Variants in ACSL3 observed in about 807,000 individuals in gnomAD.
ACSL3 encodes fatty acid CoA ligase Acsl3.
Under a neutral mutation model 84.7 loss-of-function variants are expected in ACSL3, and 34 were observed. The observed-to-expected ratio is 0.40, with a 90% CI of 0.31 to 0.53. The LOEUF (loss-of-function observed/expected upper bound fraction) is 0.53. Ranked by LOEUF, ACSL3 falls within the 20% of genes least tolerant of loss-of-function variation. The pLI, the probability that ACSL3 is intolerant of heterozygous loss-of-function variation, is 0.48. For synonymous variants in ACSL3, 315 were observed against 299.4 expected (o/e 1.05, Z -0.54); for missense variants, 680 against 873.1 (o/e 0.78, Z 2.79).
chr2:222,880,670 TA>T (rs988728262), intron 1 of ACSL3, among the ~76,000 whole-genome samples: 8 of 147,958 alleles, frequency 5.4e-5, no homozygotes, highest in Admixed American at 1.3e-4. Context: ...CTACTAAAAA[TA>T]AAAAAAAAAT....
chr2:222,886,913 A>C (rs1248368700), intron 1 of ACSL3, among the ~76,000 whole-genome samples: 1 of 152,170 alleles, frequency 6.6e-6, no homozygotes, highest in Non-Finnish European at 1.5e-5. Context: ...TGATGAACCT[A>C]CATTGACACA....
intron 13 of ACSL3, among the ~76,000 whole-genome samples, chr2:222,929,737 C>G (rs13413567): frequency 0.31 from 47,502 of 151,514 alleles, 7,695 homozygotes; most frequent in Admixed American, 0.41. Context: ...AAGATTGCGC[C>G]ACTGCACTCT....
At chr2:222,905,335 C>CT (rs1212196082) in intron 3 of ACSL3, among the ~76,000 whole-genome samples, 1 of 152,028 alleles carries the variant, frequency 6.6e-6, no homozygotes, top group Non-Finnish European at 1.5e-5. Flanking sequence ...TAATTTTTCT[C>CT]TTTTTTGTAG....
In ACSL3 at chr2:222,923,075, T is replaced by C. The variant is rs368892612; in HGVS notation, c.1081-3T>C. The stretch of plus-strand genomic sequence containing the variant: ...ATATGGATCACTTTTTCTTATTTTG[T>C]AGTCTTCAAAAATTAAAAAAGGAAG... On this transcript the variant is annotated splice_region_variant and splice_polypyrimidine_tract_variant and intron_variant, in intron 9 of 16. Coordinates refer to ENST00000357430, the MANE Select transcript of ACSL3 (RefSeq NM_004457.5). 1.4e-5 allele frequency: 22 copies of C among 1,609,870 alleles called. No individual in the cohort carries two copies. Among genetic ancestry groups the C allele is most frequent in the African/African-American group, 2.7e-5 (2 of 74,844 alleles).
chr2:222,872,516 A>G (rs62187234), intron 1 of ACSL3, among the ~76,000 whole-genome samples: 13,170 of 152,226 alleles, frequency 0.087, 704 homozygotes, highest in Non-Finnish European at 0.12. Flanking sequence ...CTGTTTGTCT[A>G]TCGGTGTGAT....
chr2:222,902,691 A>T (rs1261799955), intron 3 of ACSL3, among the ~76,000 whole-genome samples: 1 of 152,256 alleles, frequency 6.6e-6, no homozygotes, highest in Non-Finnish European at 1.5e-5. Flanking sequence ...AGGAAAGCTC[A>T]GCAAAGAGAG....
Position 222,904,281 on chromosome 2 carries a change from A to C in ACSL3, c.-41+3501A>C, listed in dbSNP as rs1696235968. ...AGCGAAACTCCATCTCAAAAAACAA[A>C]ACAAAACAAAACAAAAAACAATTAT... On this transcript the variant is annotated intron_variant, in intron 3 of 16. Transcript: ENST00000357430. 8.8e-5 allele frequency among the ~76,000 whole-genome samples: 4 copies of C among 45,300 alleles called. No homozygotes were observed. In the Admixed American group the frequency reaches 9.4e-4, roughly 11 times the overall value. The allele number at this position is 45,300 out of a possible 152,430, so 29.7% of individuals were successfully genotyped here.
At chr2:222,915,042 T>G (rs1431843505) in intron 4 of ACSL3, among the ~76,000 whole-genome samples, 1 of 152,246 alleles carries the variant, frequency 6.6e-6, no homozygotes. Flanking sequence ...TCTTTGAAAT[T>G]TATAAATCCT....
At chr2:222,929,886 TTATC>T (rs1425114084) in intron 13 of ACSL3, among the ~76,000 whole-genome samples, 4 of 151,478 alleles carry the variant, frequency 2.6e-5, no homozygotes, top group African/African-American at 7.3e-5. Flanking sequence ...CATTTTGAAA[TTATC>T]TATAAGAATA....
chr2:222,941,130 A>C (rs189534061), intron 16 of ACSL3, among the ~76,000 whole-genome samples: 1 of 152,032 alleles, frequency 6.6e-6, no homozygotes, highest in African/African-American at 2.4e-5. Context: ...AGGTCTCGCT[A>C]TGTTACCGAG....
chr2:222,936,608 T>TC (rs55915039), intron 16 of ACSL3, among the ~76,000 whole-genome samples: 93,204 of 131,690 alleles, frequency 0.71, 32,331 homozygotes, highest in East Asian at 0.91. Context: ...TTCTGCACCC[T>TC]CCCCCCCCAC....
intron 3 of ACSL3, among the ~76,000 whole-genome samples, chr2:222,902,269 A>G (rs4542842): frequency 0.84 from 127,276 of 152,110 alleles, 53,604 homozygotes; most frequent in East Asian, 0.97. Context: ...AAAGACATTG[A>G]TGTAAGGGGA....
intron 3 of ACSL3, among the ~76,000 whole-genome samples, chr2:222,901,148 C>G (rs551563909): frequency 6.8e-4 from 103 of 152,318 alleles, no homozygotes; most frequent in African/African-American, 2.1e-3. Flanking sequence ...AATGCCAGAA[C>G]TAGTCTCTAC....
At chr2:222,870,573 G>A (rs1218798624) in intron 1 of ACSL3, among the ~76,000 whole-genome samples, 1 of 152,238 alleles carries the variant, frequency 6.6e-6, no homozygotes, top group Non-Finnish European at 1.5e-5. Context: ...GGCCAGTGGA[G>A]GTTTGGGTAT....
chr2:222,861,391 C>T (rs1457435751), intron 1 of ACSL3, 133 bp downstream of exon 1: 1 of 151,710 alleles, frequency 6.6e-6, no homozygotes, highest in African/African-American at 2.4e-5. Context: ...CACCTGACCG[C>T]TGGGTGTGCG....
At chr2:222,863,542 A>C (rs938224438) in intron 1 of ACSL3, among the ~76,000 whole-genome samples, 9 of 152,230 alleles carry the variant, frequency 5.9e-5, no homozygotes, top group African/African-American at 2.2e-4. Context: ...TCTCCCACTC[A>C]AAATGAACTG....
At chr2:222,900,604 C>T (rs1696118069) in intron 2 of ACSL3, 70 bp from the exon 3 acceptor site, 1 of 152,158 alleles carries the variant, frequency 6.6e-6, no homozygotes. Context: ...TGGTGGAAGG[C>T]ACCAAGATCA....
intron 3 of ACSL3, among the ~76,000 whole-genome samples, chr2:222,901,167 G>A (rs943006355): frequency 1.3e-5 from 2 of 152,140 alleles, no homozygotes; most frequent in African/African-American, 4.8e-5. Flanking sequence ...ACCTTTTACT[G>A]TACTCTTCCT....
At chr2:222,882,212 A>C (rs530885416) in intron 1 of ACSL3, among the ~76,000 whole-genome samples, 60 of 152,246 alleles carry the variant, frequency 3.9e-4, no homozygotes, top group Admixed American at 2.1e-3. Flanking sequence ...TGGAATGTAA[A>C]TTTTCTAAGT....
Sources: allele counts gnomAD v4.1 joint callset (sites outside exome capture counted in the v4.1 genomes callset), GRCh38; gene constraint gnomAD v4.1.1; transcripts MANE v1.5; gene names NCBI Gene and HGNC (gene_info 2026-07-23, HGNC 2026-07-21).